Variants in LURAP1L observed in about 807,000 individuals in gnomAD.
The protein encoded by LURAP1L is leucine rich adaptor protein 1 like, also known as leucine rich adaptor protein 1-like.
A neutral mutation model predicts 13.8 loss-of-function variants in LURAP1L; 12 were observed. The observed-to-expected ratio is 0.87, with a 90% CI of 0.56 to 1.41. The LOEUF is 1.41. Among genes scored for constraint, LURAP1L ranks in the 40% most tolerant of loss-of-function variants. The pLI is 0.00. For missense variants in LURAP1L, 375 were observed against 292.9 expected (o/e 1.28, Z -2.04); for synonymous variants, 139 against 119.2 (o/e 1.17, Z -1.08).
At chr9:12,792,320 A>G (rs1819451277) in intron 1 of LURAP1L, among the ~76,000 whole-genome samples, 1 of 152,146 alleles carries the variant, frequency 6.6e-6, no homozygotes. Flanking sequence ...CACAGGAAAA[A>G]TAAATAATTT....
chr9:12,794,220 G>A (rs1819483331), intron 1 of LURAP1L, among the ~76,000 whole-genome samples: 1 of 151,994 alleles, frequency 6.6e-6, no homozygotes, highest in Admixed American at 6.6e-5. Flanking sequence ...GTATTTCCAT[G>A]TATACTTTAA....
intron 1 of LURAP1L, among the ~76,000 whole-genome samples, chr9:12,786,668 T>C (rs1029348573): frequency 6.7e-6 from 1 of 149,412 alleles, no homozygotes; most frequent in African/African-American, 2.5e-5. Flanking sequence ...TCATCTGGGA[T>C]GCTCATGATA....
chr9:12,788,806 T>C (rs1259302877), intron 1 of LURAP1L, among the ~76,000 whole-genome samples: 2 of 151,942 alleles, frequency 1.3e-5, no homozygotes, highest in Non-Finnish European at 2.9e-5. Flanking sequence ...AGTTTCTCTA[T>C]ACTAATTACA....
At chr9:12,777,371 G>A (rs892680534) in intron 1 of LURAP1L, 1 of 985,286 alleles carries the variant, frequency 1.0e-6, no homozygotes, top group Non-Finnish European at 1.2e-6. Flanking sequence ...TACGTGTGGA[G>A]ACTAACAGGT....
intron 1 of LURAP1L, among the ~76,000 whole-genome samples, chr9:12,812,656 G>C (rs181682960): frequency 6.6e-6 from 1 of 152,270 alleles, no homozygotes; most frequent in Admixed American, 6.5e-5. Flanking sequence ...ATTACTAAAA[G>C]AGAAGATAAA....
At position 12,808,927 on chromosome 9, in the gene LURAP1L, C is replaced by A. The variant is rs544336341; in HGVS notation, c.313-12459C>A. On this transcript the variant is annotated intron_variant, in intron 1 of 1. Coordinates refer to ENST00000319264, the MANE Select transcript of LURAP1L (RefSeq NM_203403.2). ...GGTTAATGTATAAAGAAAACAGATT[C>A]ATTTTGGCCCATGGTTCTGCAGGCT... Among the ~76,000 whole-genome samples the A allele has an allele frequency of 2.6e-5, 4 of 152,274 alleles. No individual in the cohort carries two copies. In the South Asian group the frequency reaches 8.3e-4, roughly 32 times the overall value.
At chr9:12,817,898 G>A (rs979061161) in intron 1 of LURAP1L, among the ~76,000 whole-genome samples, 1 of 152,156 alleles carries the variant, frequency 6.6e-6, no homozygotes, top group Non-Finnish European at 1.5e-5. Flanking sequence ...AGCTGGGCCA[G>A]CCCAGGACTC....
intron 1 of LURAP1L, among the ~76,000 whole-genome samples, chr9:12,776,824 G>A (rs1262959071): frequency 6.6e-6 from 1 of 152,048 alleles, no homozygotes; most frequent in Non-Finnish European, 1.5e-5. Context: ...ACAAGGTCTA[G>A]GAATACTCAT....
chr9:12,777,699 G>A (rs955784386), intron 1 of LURAP1L: 3 of 450,054 alleles, frequency 6.7e-6, no homozygotes, highest in Non-Finnish European at 8.8e-6. Flanking sequence ...TCCAAAAACC[G>A]ATGAACCCCA....
chr9:12,778,392 T>C lies in LURAP1L; in HGVS notation c.312+2365T>C, dbSNP rs529888851. 3.3e-5 allele frequency among the ~76,000 whole-genome samples: 5 copies of C among 152,250 alleles called. No individual in the cohort carries two copies. In the East Asian group the frequency reaches 9.6e-4, roughly 29 times the overall value. On this transcript the variant is annotated intron_variant, in intron 1 of 1. Transcript: ENST00000319264. ...TTGAGACTCAGCTTTCTTGTTAACA[T>C]AGGAATAAGAGCATCTCCATTAAGG...
At chr9:12,776,656 T>A (rs1819189577) in intron 1 of LURAP1L, among the ~76,000 whole-genome samples, 1 of 152,066 alleles carries the variant, frequency 6.6e-6, no homozygotes, top group Admixed American at 6.5e-5. Context: ...TACTTATGAA[T>A]AGCTTGTTTC....
chr9:12,780,371 A>G (rs546969750), intron 1 of LURAP1L, among the ~76,000 whole-genome samples: 1 of 34,458 alleles, frequency 2.9e-5, no homozygotes, highest in Admixed American at 3.0e-4. Flanking sequence ...ATTCACAAGG[A>G]AAAAAAACAA....
At chr9:12,784,593 C>T (rs1195506025) in intron 1 of LURAP1L, among the ~76,000 whole-genome samples, 3 of 152,144 alleles carry the variant, frequency 2.0e-5, no homozygotes, top group Non-Finnish European at 4.4e-5. Flanking sequence ...AGGGGTGACA[C>T]GAGCACCTCT....
intron 1 of LURAP1L, chr9:12,777,498 C>T: frequency 1.0e-6 from 1 of 984,568 alleles, no homozygotes; most frequent in Non-Finnish European, 1.2e-6. Flanking sequence ...AAATTTTATT[C>T]CTAACCATGT....
At chr9:12,781,603 T>C (rs1358156445) in intron 1 of LURAP1L, among the ~76,000 whole-genome samples, 1 of 152,206 alleles carries the variant, frequency 6.6e-6, no homozygotes, top group African/African-American at 2.4e-5. Context: ...TCTTTTCTTC[T>C]GGCTGATTAG....
At chr9:12,795,829 G>A (rs556930541) in intron 1 of LURAP1L, among the ~76,000 whole-genome samples, 1 of 152,110 alleles carries the variant, frequency 6.6e-6, no homozygotes, top group South Asian at 2.1e-4. Flanking sequence ...ATTAAGGGAT[G>A]TTGTACTTTT....
intron 1 of LURAP1L, among the ~76,000 whole-genome samples, chr9:12,797,708 A>G (rs980339912): frequency 6.6e-6 from 1 of 152,122 alleles, no homozygotes; most frequent in Non-Finnish European, 1.5e-5. Flanking sequence ...GATTTTATTT[A>G]AGAATTACAT....
chr9:12,790,071 T>G (rs1489407087), intron 1 of LURAP1L, among the ~76,000 whole-genome samples: 1 of 152,196 alleles, frequency 6.6e-6, no homozygotes, highest in African/African-American at 2.4e-5. Context: ...GTAAATTTTA[T>G]GCATTGACAA....
chr9:12,804,670 T>A (rs111311582), intron 1 of LURAP1L, among the ~76,000 whole-genome samples: 3,231 of 152,000 alleles, frequency 0.021, 92 homozygotes, highest in African/African-American at 0.064. Context: ...ATCAAAAAAA[T>A]TTTTTTTTAA....
Sources: gnomAD v4.1 joint callset for allele counts (sites outside exome capture counted in the v4.1 genomes callset) on GRCh38, gnomAD v4.1.1 for gene constraint, MANE v1.5 for transcripts, NCBI Gene and HGNC (gene_info 2026-07-23, HGNC 2026-07-21) for gene names.